The following FOXP2 variants were observed in gnomAD, a reference collection of about 807,000 sequenced individuals.
FOXP2 encodes forkhead box protein P2.
Under a neutral mutation model 115.8 loss-of-function variants are expected in FOXP2, and 12 were observed. The ratio of observed to expected loss-of-function variants is 0.10; its 90% CI spans 0.07 to 0.17. The LOEUF (loss-of-function observed/expected upper bound fraction) is 0.17. Ranked by LOEUF, FOXP2 falls within the 10% of genes least tolerant of loss-of-function variation. FOXP2 has a pLI of 1.00. For synonymous variants in FOXP2, 328 were observed against 297.7 expected (o/e 1.10, Z -1.05); for missense variants, 629 against 843.5 (o/e 0.75, Z 3.15).
chr7:114,162,623 C>T (rs182212313), upstream of FOXP2, among the ~76,000 whole-genome samples: 68 of 151,790 alleles, frequency 4.5e-4, no homozygotes, highest in African/African-American at 1.4e-3. Context: ...TTCAAACTCA[C>T]GGATTTGCAA....
At chr7:114,475,217 T>C (rs1490785368) in intron 2 of FOXP2, among the ~76,000 whole-genome samples, 1 of 152,112 alleles carries the variant, frequency 6.6e-6, no homozygotes, top group Non-Finnish European at 1.5e-5. Context: ...CTAGTTTCAC[T>C]CTCAAATTTT....
At chr7:114,278,521 AT>A (rs1796249137) in intron 1 of FOXP2, among the ~76,000 whole-genome samples, 1 of 151,892 alleles carries the variant, frequency 6.6e-6, no homozygotes, top group African/African-American at 2.4e-5. Flanking sequence ...TGCCTGGCTA[AT>A]TTTTGTATTT....
intron 2 of FOXP2, among the ~76,000 whole-genome samples, chr7:114,357,267 TAGTA>T (rs1791639798): frequency 6.6e-6 from 1 of 152,184 alleles, no homozygotes; most frequent in Admixed American, 6.5e-5. Context: ...AAAATACTGT[TAGTA>T]AGTTAAGTAA....
chr7:114,465,930 G>A (rs1795779757), intron 2 of FOXP2, among the ~76,000 whole-genome samples: 1 of 152,154 alleles, frequency 6.6e-6, no homozygotes, highest in South Asian at 2.1e-4. Context: ...CATCTGTTGA[G>A]GCTCACTGCT....
At chr7:114,119,655 G>A (rs1481531964) in intron 1 of FOXP2, among the ~76,000 whole-genome samples, 1 of 152,170 alleles carries the variant, frequency 6.6e-6, no homozygotes, top group African/African-American at 2.4e-5. Context: ...AAGCTGTAAT[G>A]AGCCATGATT....
intron 2 of FOXP2, among the ~76,000 whole-genome samples, chr7:114,441,332 G>T (rs1015632071): frequency 6.6e-6 from 1 of 151,830 alleles, no homozygotes; most frequent in African/African-American, 2.4e-5. Context: ...CATGCCTGTA[G>T]TCCCAGCTAC....
At chr7:114,680,076 G>C (rs1808005520) in intron 16 of FOXP2, among the ~76,000 whole-genome samples, 1 of 152,064 alleles carries the variant, frequency 6.6e-6, no homozygotes, top group African/African-American at 2.4e-5. Context: ...ACCTCTGTCA[G>C]GGAATAATAA....
intron 2 of FOXP2, among the ~76,000 whole-genome samples, chr7:114,390,914 C>T (rs1792581752): frequency 6.6e-6 from 1 of 152,132 alleles, no homozygotes; most frequent in Non-Finnish European, 1.5e-5. Flanking sequence ...CTTGGCCAGA[C>T]ACAGTGGCTC....
chr7:114,504,024 T>A (rs1198659528), intron 2 of FOXP2, among the ~76,000 whole-genome samples: 2 of 151,700 alleles, frequency 1.3e-5, no homozygotes, highest in Non-Finnish European at 3.0e-5. Context: ...CCAAATATGA[T>A]GGCTAGGTAG....
chr7:114,301,407 A>G (rs1796876734), intron 2 of FOXP2, among the ~76,000 whole-genome samples: 1 of 152,102 alleles, frequency 6.6e-6, no homozygotes, highest in South Asian at 2.1e-4. Context: ...ATTGTGGATG[A>G]CTACCAAACA....
intron 1 of FOXP2, among the ~76,000 whole-genome samples, chr7:114,216,332 A>G (rs1342114919): frequency 1.3e-5 from 2 of 152,146 alleles, no homozygotes; most frequent in East Asian, 3.9e-4. Flanking sequence ...TCTGTTCGGC[A>G]TTTATGAGAT....
intron 2 of FOXP2, among the ~76,000 whole-genome samples, chr7:114,362,519 T>G (rs951338119): frequency 3.9e-5 from 6 of 151,968 alleles, no homozygotes; most frequent in African/African-American, 1.4e-4. Flanking sequence ...AGAACAAAAG[T>G]GGGTGATGCC....
intron 8 of FOXP2, among the ~76,000 whole-genome samples, chr7:114,646,006 T>C (rs1805860345): frequency 8.9e-6 from 1 of 111,938 alleles, no homozygotes; most frequent in Non-Finnish European, 1.8e-5. Flanking sequence ...AAACTGATTA[T>C]AAGCAAAGAG....
In FOXP2 at chr7:114,146,804, A is replaced by G. The variant is rs534229571; in HGVS notation, c.-246-16140A>G. Among the ~76,000 whole-genome samples the G allele has an allele frequency of 4.6e-5, 7 of 152,340 alleles. No individual in the cohort carries two copies. The East Asian group carries it at 7.7e-4, about 17-fold the overall frequency. ...TTACTTGGCAGCAGGCTGAAACAGC[A>G]TCATTATCACCCTACAGTTATGAAA... is the stretch of plus-strand genomic sequence containing the variant. On this transcript the variant is annotated intron_variant, in intron 1 of 19. Transcript: ENST00000635638.
At chr7:114,402,450 A>T (rs1449190873) in intron 2 of FOXP2, among the ~76,000 whole-genome samples, 2 of 152,134 alleles carry the variant, frequency 1.3e-5, no homozygotes, top group Non-Finnish European at 2.9e-5. Flanking sequence ...AACAGTTTAC[A>T]CAATTGCCTA....
chr7:114,257,749 G>A (rs541211687), intron 1 of FOXP2, among the ~76,000 whole-genome samples: 6 of 152,130 alleles, frequency 3.9e-5, no homozygotes, highest in Admixed American at 6.5e-5. Flanking sequence ...CACCGTGCCC[G>A]GCCATAAAGT....
At chr7:114,354,779 G>A (rs1264852828) in intron 2 of FOXP2, among the ~76,000 whole-genome samples, 2 of 152,022 alleles carry the variant, frequency 1.3e-5, no homozygotes, top group African/African-American at 2.4e-5. Context: ...TAAAAGTTTT[G>A]AAATCACATA....
chr7:114,653,003 T>C (rs1806361752), intron 9 of FOXP2, among the ~76,000 whole-genome samples: 1 of 152,148 alleles, frequency 6.6e-6, no homozygotes, highest in Non-Finnish European at 1.5e-5. Flanking sequence ...CTTTAAGGCT[T>C]TCTCTAACAT....
chr7:114,187,754 CAG>C (rs1296581308), intron 1 of FOXP2, among the ~76,000 whole-genome samples: 1 of 152,142 alleles, frequency 6.6e-6, no homozygotes, highest in Non-Finnish European at 1.5e-5. Context: ...GCTGCTGTAA[CAG>C]AATATCACAG....
Sources: gnomAD v4.1 joint callset for allele counts (sites outside exome capture counted in the v4.1 genomes callset) on GRCh38, gnomAD v4.1.1 for gene constraint, MANE v1.5 for transcripts, NCBI Gene and HGNC (gene_info 2026-07-23, HGNC 2026-07-21) for gene names.